RBP2: variants seen among roughly 807,000 people sequenced by gnomAD.
The protein encoded by RBP2 is retinol-binding protein 2.
Under a neutral mutation model 17.0 loss-of-function variants are expected in RBP2, and 17 were observed. The ratio of observed to expected loss-of-function variants is 1.00; its 90% CI spans 0.68 to 1.50. The LOEUF is 1.50. Ranked by LOEUF, RBP2 falls within the 40% of genes most tolerant of loss-of-function variation. RBP2 has a pLI of 0.00. For missense variants in RBP2, 158 were observed against 168.2 expected (o/e 0.94, Z 0.33); for synonymous variants, 48 against 57.1 (o/e 0.84, Z 0.72).
intron 2 of RBP2, among the ~76,000 whole-genome samples, chr3:139,461,839 C>G (rs1029761233): frequency 6.6e-6 from 1 of 152,168 alleles, no homozygotes; most frequent in Non-Finnish European, 1.5e-5. Context: ...CCACCTTGCC[C>G]TCTTCCCTCT....
At chr3:139,456,335 A>G (rs918115450) in intron 2 of RBP2, among the ~76,000 whole-genome samples, 1 of 152,074 alleles carries the variant, frequency 6.6e-6, no homozygotes, top group African/African-American at 2.4e-5. Flanking sequence ...TGTTAAATCT[A>G]CCTATTTCTA....
At chr3:139,462,036 T>C in intron 2 of RBP2, 76 bp downstream of exon 2, 1 of 1,486,596 alleles carries the variant, frequency 6.7e-7, no homozygotes, top group Non-Finnish European at 9.2e-7. Flanking sequence ...CTAATATTTT[T>C]TTTTTCATCA....
At chr3:139,472,508 C>T (rs1440567673) in intron 1 of RBP2, among the ~76,000 whole-genome samples, 1 of 152,210 alleles carries the variant, frequency 6.6e-6, no homozygotes, top group East Asian at 1.9e-4. Context: ...TATCTCTTCT[C>T]TTTGGATACA....
intron 1 of RBP2, among the ~76,000 whole-genome samples, chr3:139,472,435 G>A (rs1255694070): frequency 6.6e-6 from 1 of 152,190 alleles, no homozygotes. Context: ...TCAACCAATA[G>A]AATATGGTGG....
chr3:139,469,687 G>GTCTGTCTGTCTATCTA (rs1432677359), intron 1 of RBP2, among the ~76,000 whole-genome samples: 1,654 of 132,918 alleles, frequency 0.012, 11 homozygotes, highest in Middle Eastern at 0.026. Context: ...CTGTCTGTCT[G>GTCTGTCTGTCTATCTA]TCTATCTATC....
intron 1 of RBP2, among the ~76,000 whole-genome samples, chr3:139,467,161 A>G (rs926116190): frequency 3.3e-5 from 5 of 152,146 alleles, no homozygotes; most frequent in Non-Finnish European, 7.3e-5. Context: ...CTCAAGAAGT[A>G]CTATGGATTA....
At chr3:139,453,777 A>G (rs904623839) in intron 3 of RBP2, among the ~76,000 whole-genome samples, 1 of 152,254 alleles carries the variant, frequency 6.6e-6, no homozygotes, top group Admixed American at 6.5e-5. Context: ...CACCACAATC[A>G]TTGCAGTTGA....
At chr3:139,467,547 T>A (rs1373414500) in intron 1 of RBP2, among the ~76,000 whole-genome samples, 2 of 152,164 alleles carry the variant, frequency 1.3e-5, no homozygotes, top group Admixed American at 1.3e-4. Context: ...CTTGGAGAAA[T>A]CACTCTTCCT....
intron 1 of RBP2, 44 bp downstream of exon 1, chr3:139,476,343 C>T: frequency 6.4e-7 from 1 of 1,562,968 alleles, no homozygotes; most frequent in Non-Finnish European, 8.8e-7. Flanking sequence ...GACCACAGTA[C>T]TCCCAACAAC....
At chr3:139,464,587 G>A (rs1933299185) in intron 1 of RBP2, among the ~76,000 whole-genome samples, 1 of 152,172 alleles carries the variant, frequency 6.6e-6, no homozygotes, top group Non-Finnish European at 1.5e-5. Flanking sequence ...AGGGCCCTGG[G>A]TACCTTTAGA....
intron 1 of RBP2, among the ~76,000 whole-genome samples, chr3:139,466,055 A>C (rs1933350861): frequency 6.6e-6 from 1 of 152,172 alleles, no homozygotes; most frequent in South Asian, 2.1e-4. Context: ...GGTGGTCAAA[A>C]AAATGGGCTC....
Position 139,462,289 on chromosome 3 carries a change from A to T in RBP2, c.75T>A (p.Asp25Glu), listed in dbSNP as rs1320978708. 1 of 1,613,970 alleles carries T rather than the reference A, an allele frequency of 6.2e-7. No individual in the cohort carries two copies. The highest frequency in any genetic ancestry group is 1.3e-5 in the African/African-American group (1 of 74,908). The change falls in exon 2 of 4, where the codon GAT becomes GAA. Residue 25 changes from aspartate to glutamate, a missense_variant and splice_region_variant. By Grantham distance (45) the Asp-to-Glu change is conservative (BLOSUM62 2). Transcript: ENST00000232217. ...CAATCTTGCGGGTGGCAAAATCAATATCTGTTGGCAAAGGGAGTTGTGGAG... is the reference window on the plus strand; with the variant it reads ...CAATCTTGCGGGTGGCAAAATCAATTTCTGTTGGCAAAGGGAGTTGTGGAG... The part of the protein sequence containing the change: ...ENFEGYMKAL[D>E]IDFATRKIAV...
At chr3:139,462,323 G>A (rs751950202) in intron 1 of RBP2, 33 bp from the exon 2 acceptor site, 2 of 1,607,584 alleles carry the variant, frequency 1.2e-6, no homozygotes, top group South Asian at 1.1e-5. Context: ...AGGTTATGAT[G>A]TGCTCAGCCA....
rs148128077 is a variant in RBP2 at position 139,456,952 on chromosome 3, A to T, written c.253-2122T>A. ...TAATAATTTGCTCTTTCTTATCATG[A>T]GCTTTGGACTCTGAGTTTTCCTCTA... On this transcript the variant is annotated intron_variant, in intron 2 of 3. Coordinates refer to ENST00000232217, the MANE Select transcript of RBP2 (RefSeq NM_004164.3). Among the ~76,000 whole-genome samples the T allele has an allele frequency of 5.2e-4, 79 of 152,218 alleles. 1 individual carries two copies. The highest frequency in any genetic ancestry group is 1.0e-3 in the Non-Finnish European group (68 of 68,012).
chr3:139,462,393 A>G, intron 1 of RBP2, 103 bp from the exon 2 acceptor site: 1 of 1,189,046 alleles, frequency 8.4e-7, no homozygotes, highest in Admixed American at 1.9e-5. Context: ...GATTGTGTGT[A>G]GGCCACCTGT....
chr3:139,476,400 G>A lies in RBP2; in HGVS notation c.60C>T (p.Tyr20=). Residue 20 remains tyrosine, a synonymous_variant, in exon 1 of 4, where the codon TAC becomes TAT. Coordinates refer to ENST00000232217, the MANE Select transcript of RBP2 (RefSeq NM_004164.3). ...EMESNENFEG[Y]MKALDIDFAT... ...TCTCCTCCTTACCCAGGGCCTTCAT[G>A]TAGCCCTCAAAGTTTTCATTACTCT... The A allele has an allele frequency of 6.2e-7, 1 of 1,613,836 alleles. No homozygotes were observed. Among genetic ancestry groups the A allele is most frequent in the Non-Finnish European group, 8.5e-7 (1 of 1,179,836 alleles).
In RBP2 at chr3:139,467,775, A is replaced by G. The variant is rs574251019; in HGVS notation, c.74-5485T>C. On this transcript the variant is annotated intron_variant, in intron 1 of 3. Coordinates refer to ENST00000232217, the MANE Select transcript of RBP2 (RefSeq NM_004164.3). ...TTTTGGGTCATATTTATGCATCTCC[A>G]TAGCTGTCTGCACTCCATGTTTTGC... 3.9e-5 allele frequency among the ~76,000 whole-genome samples: 6 copies of G among 152,278 alleles called. No individual in the cohort carries two copies. In the South Asian group the frequency reaches 6.2e-4, roughly 16 times the overall value.
chr3:139,456,875 G>T (rs1168522323), intron 2 of RBP2, among the ~76,000 whole-genome samples: 1 of 152,166 alleles, frequency 6.6e-6, no homozygotes, highest in African/African-American at 2.4e-5. Flanking sequence ...TCTTGGAGAA[G>T]CTATATTCAT....
At chr3:139,453,474 C>T (rs1287614237) in intron 3 of RBP2, among the ~76,000 whole-genome samples, 3 of 152,228 alleles carry the variant, frequency 2.0e-5, no homozygotes, top group Non-Finnish European at 2.9e-5. Flanking sequence ...GGCAGCGAAG[C>T]CATGAGGAAG....
Sources: allele counts gnomAD v4.1 joint callset (sites outside exome capture counted in the v4.1 genomes callset), GRCh38; gene constraint gnomAD v4.1.1; transcripts MANE v1.5; gene names NCBI Gene and HGNC (gene_info 2026-07-23, HGNC 2026-07-21).